Variants in BMPR2 observed in about 807,000 individuals in gnomAD.
BMPR2 encodes bone morphogenetic protein receptor type 2.
A neutral mutation model predicts 100.8 loss-of-function variants in BMPR2; 29 were observed. The ratio of observed to expected loss-of-function variants is 0.29; its 90% CI spans 0.21 to 0.39. The LOEUF is 0.39. Ranked by LOEUF, BMPR2 falls within the 10% of genes least tolerant of loss-of-function variation. The pLI, the probability that BMPR2 is intolerant of heterozygous loss-of-function variation, is 1.00. For missense variants in BMPR2, 1,011 were observed against 1,274.5 expected (o/e 0.79, Z 3.15); for synonymous variants, 382 against 442.3 (o/e 0.86, Z 1.71).
intron 1 of BMPR2, among the ~76,000 whole-genome samples, chr2:202,412,423 A>G (rs1016857387): frequency 6.6e-6 from 1 of 152,122 alleles, no homozygotes; most frequent in East Asian, 1.9e-4. Flanking sequence ...GATTCACGCC[A>G]TTCTCCTGCC....
chr2:202,390,160 G>A (rs906326607), intron 1 of BMPR2, among the ~76,000 whole-genome samples: 5 of 152,048 alleles, frequency 3.3e-5, no homozygotes, highest in African/African-American at 9.7e-5. Context: ...ATAATATTGC[G>A]TATATTGTAC....
At chr2:202,465,094 G>A in intron 2 of BMPR2, 115 bp downstream of exon 2, 1 of 1,370,674 alleles carries the variant, frequency 7.3e-7, no homozygotes, top group Non-Finnish European at 1.0e-6. Flanking sequence ...ATTTAAAAGT[G>A]TATATATAAA....
intron 3 of BMPR2, among the ~76,000 whole-genome samples, chr2:202,484,306 T>C (rs1331759531): frequency 6.6e-6 from 1 of 152,200 alleles, no homozygotes; most frequent in Non-Finnish European, 1.5e-5. Context: ...TGTTATAATA[T>C]GCTGTTCAGT....
At chr2:202,460,817 CT>C (rs35366212) in intron 1 of BMPR2, among the ~76,000 whole-genome samples, 1,900 of 132,014 alleles carry the variant, frequency 0.014, 13 homozygotes, top group African/African-American at 0.02. Flanking sequence ...AAAGACCAAA[CT>C]TTTTTTTTTT....
chr2:202,457,036 G>A (rs1389500009), intron 1 of BMPR2, among the ~76,000 whole-genome samples: 3 of 151,674 alleles, frequency 2.0e-5, no homozygotes, highest in African/African-American at 7.3e-5. Flanking sequence ...AAGTGCCTTG[G>A]GATTTTTAGA....
chr2:202,422,099 G>T (rs1304493635), intron 1 of BMPR2, among the ~76,000 whole-genome samples: 9 of 152,090 alleles, frequency 5.9e-5, no homozygotes, highest in Non-Finnish European at 1.2e-4. Flanking sequence ...AGTAGAGACA[G>T]GGTTTCACCG....
rs372907649 is a variant in BMPR2 at position 202,506,124 on chromosome 2, AAGAT to A, written c.419-7590_419-7587del. Among the ~76,000 whole-genome samples the A allele has an allele frequency of 2.3e-3, 348 of 152,314 alleles. 2 individuals are homozygous for A. The South Asian group carries it at 0.025, about 11-fold the overall frequency. ...ATGTTCTCACATGGCAGAGAACAGA[AAGAT>A]AGATCCTGTGTCTCCTCTTTTTTAA... On this transcript the variant is annotated intron_variant, in intron 3 of 12. Transcript: ENST00000374580.
In BMPR2 at chr2:202,542,170, A is replaced by G. The variant is rs1207186004; in HGVS notation, c.1277-141A>G. 5 of 966,956 alleles carry G rather than the reference A, an allele frequency of 5.2e-6. No homozygotes were observed. The African/African-American group carries it at 6.7e-5, about 13-fold the overall frequency. 59.9% of individuals were successfully genotyped at this position (966,956 alleles called of 1,614,324 possible). ...CAGCAAGGTCTCTTTAGGATTTCCAAATGTGCCTGAAGGGGATGAAAAAAT... is the reference window on the plus strand; with the variant it reads ...CAGCAAGGTCTCTTTAGGATTTCCAGATGTGCCTGAAGGGGATGAAAAAAT... On this transcript the variant is annotated intron_variant, in intron 9 of 12. Transcript: ENST00000374580.
rs147207234 is a variant in BMPR2, at chr2:202,464,813, G to A, written c.81G>A (p.Ser27=). Residue 27 remains serine, a synonymous_variant, in exon 2 of 13, where the codon TCG becomes TCA. Transcript: ENST00000374580. The stretch of plus-strand genomic sequence containing the variant: ...CCTTTATTTCCTTTATTTTAGCTTC[G>A]CAGAATCAAGAACGGCTATGTGCGT... ...TILLVSTAAA[S]QNQERLCAFK... 1.8e-5 allele frequency: 29 copies of A among 1,608,782 alleles called. No individual in the cohort carries two copies. Among genetic ancestry groups the A allele is most frequent in the African/African-American group, 8.0e-5 (6 of 74,780 alleles).
chr2:202,407,144 T>C (rs1284504094), intron 1 of BMPR2, among the ~76,000 whole-genome samples: 2 of 151,826 alleles, frequency 1.3e-5, no homozygotes, highest in Non-Finnish European at 2.9e-5. Context: ...GGTTTCACCA[T>C]GTTGGCCAGG....
rs1278810209 is a variant in BMPR2, at chr2:202,492,718, A to C, written c.419-21001A>C. Among the ~76,000 whole-genome samples the C allele has an allele frequency of 4.0e-5, 6 of 149,482 alleles. No individual in the cohort carries two copies. In the South Asian group the frequency reaches 1.3e-3, roughly 32 times the overall value. ...TCTGTCTCAAAAAAAAAAAAAAAAA[A>C]AAAAACCAAAAAAAAAAACAAAAAG... On this transcript the variant is annotated intron_variant, in intron 3 of 12. Coordinates refer to ENST00000374580, the MANE Select transcript of BMPR2 (RefSeq NM_001204.7).
At chr2:202,486,412 T>C (rs1692778916) in intron 3 of BMPR2, among the ~76,000 whole-genome samples, 1 of 152,120 alleles carries the variant, frequency 6.6e-6, no homozygotes, top group Non-Finnish European at 1.5e-5. Flanking sequence ...GCGGATCACT[T>C]GAGGCCAGGA....
chr2:202,481,573 G>C (rs1168330200), intron 3 of BMPR2, among the ~76,000 whole-genome samples: 1 of 152,092 alleles, frequency 6.6e-6, no homozygotes, highest in Non-Finnish European at 1.5e-5. Flanking sequence ...AAAGACAACT[G>C]GGATTTTGAT....
chr2:202,473,504 A>T (rs1021916691), intron 3 of BMPR2, among the ~76,000 whole-genome samples: 2 of 152,118 alleles, frequency 1.3e-5, no homozygotes. Context: ...AAATTACAAA[A>T]AACTGGCCAG....
At chr2:202,537,601 G>A (rs1688186311) in intron 9 of BMPR2, among the ~76,000 whole-genome samples, 1 of 152,032 alleles carries the variant, frequency 6.6e-6, no homozygotes, top group Non-Finnish European at 1.5e-5. Flanking sequence ...AGTAGTAATG[G>A]TTGTACAATA....
chr2:202,518,700 A>G (rs1389761038), intron 5 of BMPR2, 122 bp from the exon 6 acceptor site: 3 of 860,004 alleles, frequency 3.5e-6, no homozygotes, highest in South Asian at 1.4e-5. Context: ...TTTCTTGATA[A>G]TGGAATAAAC....
chr2:202,395,818 C>T (rs892047417), intron 1 of BMPR2, among the ~76,000 whole-genome samples: 1 of 152,154 alleles, frequency 6.6e-6, no homozygotes, highest in South Asian at 2.1e-4. Flanking sequence ...AGCCTATAAT[C>T]CCAGCCACTC....
At chr2:202,510,880 C>T (rs189354146) in intron 3 of BMPR2, among the ~76,000 whole-genome samples, 76 of 151,946 alleles carry the variant, frequency 5.0e-4, no homozygotes, top group Middle Eastern at 3.4e-3. Flanking sequence ...GTGGTTTCAC[C>T]ATGTTGGTCA....
chr2:202,479,173 G>T (rs1692610314), intron 3 of BMPR2, among the ~76,000 whole-genome samples: 1 of 152,140 alleles, frequency 6.6e-6, no homozygotes, highest in African/African-American at 2.4e-5. Flanking sequence ...TGTTCTCTCT[G>T]GCTCTTCTTT....
Sources: allele counts gnomAD v4.1 joint callset (sites outside exome capture counted in the v4.1 genomes callset), GRCh38; gene constraint gnomAD v4.1.1; transcripts MANE v1.5; gene names NCBI Gene and HGNC (gene_info 2026-07-23, HGNC 2026-07-21).